Variants in PTPN3 observed in about 807,000 individuals in gnomAD.
PTPN3 encodes protein tyrosine phosphatase non-receptor type 3.
A neutral mutation model predicts 132.7 loss-of-function variants in PTPN3; 96 were observed. The observed-to-expected ratio is 0.72, with a 90% CI of 0.61 to 0.86. The LOEUF (loss-of-function observed/expected upper bound fraction) is 0.86, where lower values mean the gene tolerates loss of function less well. PTPN3 is among the 40% of genes least tolerant of loss of function. The pLI, the probability that PTPN3 is intolerant of heterozygous loss-of-function variation, is 0.00. For synonymous variants in PTPN3, 398 were observed against 429.0 expected (o/e 0.93, Z 0.89); for missense variants, 1,125 against 1,159.6 (o/e 0.97, Z 0.43).
chr9:109,514,674 T>C, the PTPN3 span, among the ~76,000 whole-genome samples: 1 of 152,180 alleles, frequency 6.6e-6, no homozygotes, highest in Non-Finnish European at 1.5e-5. Context: ...TTTTAATGGC[T>C]CAAGTTCTTT....
chr9:109,458,234 C>A (rs1845665455), intron 2 of PTPN3, among the ~76,000 whole-genome samples: 1 of 152,186 alleles, frequency 6.6e-6, no homozygotes, highest in African/African-American at 2.4e-5. Context: ...GTAGAGGAAG[C>A]AACCCCCTGA....
rs574978617 is a variant in PTPN3, at chr9:109,417,841, T to C, written c.1313+2583A>G. The C allele has an allele frequency of 1.8e-5, 17 of 949,898 alleles. No homozygotes were observed. In the Admixed American group the frequency reaches 9.9e-4, roughly 55 times the overall value. 58.8% of individuals were successfully genotyped at this position (949,898 alleles called of 1,614,324 possible). A position where few individuals can be genotyped will look rare whatever the true frequency, so the allele number is the denominator to read the frequency against. On this transcript the variant is annotated intron_variant, in intron 14 of 25. Coordinates refer to ENST00000374541, the MANE Select transcript of PTPN3 (RefSeq NM_002829.4). ...CCACTGTTATTTGCTATTCTTAACA[T>C]TTAGCTGCAAGATAAAAAGAGCCCC... is the stretch of plus-strand genomic sequence containing the variant.
chr9:109,499,337 T>C (rs947679233), upstream of PTPN3, among the ~76,000 whole-genome samples: 8 of 152,050 alleles, frequency 5.3e-5, no homozygotes, highest in African/African-American at 7.2e-5. Context: ...TAGTGGTATT[T>C]CAGCCACGCA....
At chr9:109,530,917 TTTG>T in the PTPN3 span, among the ~76,000 whole-genome samples, 2 of 152,160 alleles carry the variant, frequency 1.3e-5, no homozygotes, top group African/African-American at 2.4e-5. Flanking sequence ...ATTGGGTTGT[TTTG>T]TTGTTGTTGT....
chr9:109,468,618 G>A (rs111960097), intron 1 of PTPN3, among the ~76,000 whole-genome samples: 9,225 of 152,026 alleles, frequency 0.061, 490 homozygotes, highest in East Asian at 0.31. Flanking sequence ...CGCCCACCTC[G>A]GCCTCCCAAA....
rs540574712 is a variant in PTPN3 at position 109,496,895 on chromosome 9, C to A, written c.-18+1324G>T. Among the ~76,000 whole-genome samples the A allele has an allele frequency of 2.6e-5, 4 of 152,206 alleles. No homozygotes were observed. In the South Asian group the frequency reaches 8.3e-4, roughly 32 times the overall value. ...TGTCAATAGTGCAAGGCTGAGAAAC[C>A]CTGATCTAAATAATCGCTTAAAGTT... On this transcript the variant is annotated intron_variant, in intron 1 of 25. Transcript: ENST00000374541.
intron 12 of PTPN3, among the ~76,000 whole-genome samples, chr9:109,424,979 C>A (rs968841465): frequency 6.6e-6 from 1 of 152,182 alleles, no homozygotes; most frequent in Non-Finnish European, 1.5e-5. Flanking sequence ...ACCCAGGCAG[C>A]TCAGCAACAG....
chr9:109,454,187 G>A (rs1015177623), intron 5 of PTPN3, among the ~76,000 whole-genome samples: 1 of 152,110 alleles, frequency 6.6e-6, no homozygotes, highest in Non-Finnish European at 1.5e-5. Flanking sequence ...TGTCCTTTGA[G>A]CACAGTGTGT....
At chr9:109,487,284 C>T (rs542042788) in intron 1 of PTPN3, among the ~76,000 whole-genome samples, 95 of 152,354 alleles carry the variant, frequency 6.2e-4, no homozygotes, top group Admixed American at 2.0e-3. Context: ...ATATGAGAAC[C>T]TGCCTCTGGT....
chr9:109,450,650 T>A (rs892392001), intron 5 of PTPN3: 23 of 985,060 alleles, frequency 2.3e-5, no homozygotes, highest in Non-Finnish European at 2.7e-5. Context: ...ATTGCCAGTA[T>A]ATAAAATTCT....
At chr9:109,413,347 A>T (rs553119653) in intron 14 of PTPN3, among the ~76,000 whole-genome samples, 34 of 152,304 alleles carry the variant, frequency 2.2e-4, no homozygotes, top group Middle Eastern at 3.4e-3. Context: ...AACTGTGTAC[A>T]CAGGTGCTCT....
intron 19 of PTPN3, among the ~76,000 whole-genome samples, 180 bp downstream of exon 19, chr9:109,404,268 C>A (rs1841378263): frequency 6.6e-6 from 1 of 152,216 alleles, no homozygotes. Context: ...ACGACAAGCA[C>A]AGGCCTCGCC....
intron 10 of PTPN3, among the ~76,000 whole-genome samples, chr9:109,429,512 A>C (rs1356773911): frequency 6.6e-6 from 1 of 152,238 alleles, no homozygotes; most frequent in Non-Finnish European, 1.5e-5. Context: ...AATTAAAAAC[A>C]TAACTTTTAA....
upstream of PTPN3, among the ~76,000 whole-genome samples, chr9:109,498,623 G>A (rs888083127): frequency 2.0e-5 from 3 of 152,210 alleles, no homozygotes; most frequent in African/African-American, 7.2e-5. The surrounding 1 kb of genome is among the most constrained non-coding windows in gnomAD (Gnocchi z 4.2). Context: ...ACTTTGAAAT[G>A]AGGAGTCTTG....
At chr9:109,533,350 T>C in the PTPN3 span, 2 of 544,266 alleles carry the variant, frequency 3.7e-6, no homozygotes, top group Non-Finnish European at 6.5e-6. Context: ...TTCACCTTGT[T>C]AGCCAGGATG....
intron 14 of PTPN3, among the ~76,000 whole-genome samples, chr9:109,418,252 C>A (rs976540098): frequency 6.6e-6 from 1 of 152,234 alleles, no homozygotes; most frequent in African/African-American, 2.4e-5. Context: ...TGATTTGCTC[C>A]GGTGTTCCCC....
intron 22 of PTPN3, among the ~76,000 whole-genome samples, chr9:109,387,736 G>A (rs1010581280): frequency 1.3e-5 from 2 of 152,192 alleles, no homozygotes; most frequent in Non-Finnish European, 2.9e-5. Flanking sequence ...GCCTCTGACC[G>A]CCAGTGGGCC....
At chr9:109,495,757 C>T (rs1847640942) in intron 1 of PTPN3, among the ~76,000 whole-genome samples, 1 of 152,216 alleles carries the variant, frequency 6.6e-6, no homozygotes. Flanking sequence ...AATGAGAATG[C>T]TTAAAACTAC....
intron 1 of PTPN3, among the ~76,000 whole-genome samples, chr9:109,477,253 T>C (rs1050328424): frequency 6.6e-6 from 1 of 152,216 alleles, no homozygotes; most frequent in Non-Finnish European, 1.5e-5. Context: ...CCTTTTGAGA[T>C]AATCTTTTAT....
Sources: allele counts gnomAD v4.1 joint callset (sites outside exome capture counted in the v4.1 genomes callset), GRCh38; gene constraint gnomAD v4.1.1; non-coding constraint Gnocchi (gnomAD v3.1); transcripts MANE v1.5; gene names NCBI Gene and HGNC (gene_info 2026-07-23, HGNC 2026-07-21).